The following CNTLN variants were observed in gnomAD, a reference collection of about 807,000 sequenced individuals.
CNTLN encodes the protein centlein, also known as centlein, centrosomal protein.
In CNTLN, 212 loss-of-function variants were observed where a neutral mutation model predicts 180.0. The observed-to-expected ratio is 1.18, with a 90% CI of 1.05 to 1.32. CNTLN has a LOEUF of 1.32. CNTLN is among the 40% of genes most tolerant of loss of function. CNTLN has a pLI of 0.00. For missense variants in CNTLN, 2,095 were observed against 1,610.9 expected, an observed-to-expected ratio of 1.30 and a Z score of -5.14; for synonymous variants, 722 against 563.1, an observed-to-expected ratio of 1.28 and a Z score of -3.99.
At chr9:17,257,478 T>G (rs1826595981) in intron 5 of CNTLN, among the ~76,000 whole-genome samples, 1 of 151,910 alleles carries the variant, frequency 6.6e-6, no homozygotes, top group South Asian at 2.1e-4. Flanking sequence ...TTATAGTCCT[T>G]TGGGTATATA....
intron 15 of CNTLN, among the ~76,000 whole-genome samples, chr9:17,405,527 T>C (rs1827313886): frequency 6.6e-6 from 1 of 151,682 alleles, no homozygotes; most frequent in African/African-American, 2.4e-5. Context: ...CCTGTTCTTA[T>C]AACAAACTCA....
At chr9:17,526,373 A>G in the CNTLN span, among the ~76,000 whole-genome samples, 2 of 152,220 alleles carry the variant, frequency 1.3e-5, no homozygotes, top group African/African-American at 4.8e-5. Flanking sequence ...ACTATAAGAG[A>G]CTTTGTCTAC....
At position 17,310,296 on chromosome 9, in the gene CNTLN, T is replaced by C. The variant is rs78808005; in HGVS notation, c.1341+1044T>C. Among the ~76,000 whole-genome samples, 9 of 152,248 alleles carry C rather than the reference T, an allele frequency of 5.9e-5. No individual in the cohort carries two copies. The East Asian group carries it at 1.2e-3, about 20-fold the overall frequency. ...CATATACAAATTTATGAGGAAACAG[T>C]TTATTGTTTAGTCATTCAAAAAAAT... On this transcript the variant is annotated intron_variant, in intron 8 of 25. Transcript: ENST00000380647.
At chr9:17,378,639 G>C (rs1824977449) in intron 13 of CNTLN, among the ~76,000 whole-genome samples, 1 of 151,952 alleles carries the variant, frequency 6.6e-6, no homozygotes, top group South Asian at 2.1e-4. Context: ...TCAGGTTTTT[G>C]GTAAGTTCTT....
intron 13 of CNTLN, among the ~76,000 whole-genome samples, chr9:17,383,356 CA>C (rs1055171924): frequency 5.3e-4 from 76 of 142,172 alleles, no homozygotes; most frequent in Middle Eastern, 3.5e-3. Context: ...CTGTCTCTAC[CA>C]AAAAAAAAAA....
At chr9:17,441,160 CA>C (rs2134043660) in intron 18 of CNTLN, among the ~76,000 whole-genome samples, 1 of 152,200 alleles carries the variant, frequency 6.6e-6, no homozygotes, top group African/African-American at 2.4e-5. Flanking sequence ...CCCAGACAAA[CA>C]AAAGTAGAGG....
At chr9:17,146,638 T>C (rs1045396026) in intron 2 of CNTLN, among the ~76,000 whole-genome samples, 6 of 152,168 alleles carry the variant, frequency 3.9e-5, no homozygotes, top group Non-Finnish European at 2.9e-5. Flanking sequence ...TGCCTTGATC[T>C]TGGACTTTTC....
intron 2 of CNTLN, among the ~76,000 whole-genome samples, chr9:17,222,607 TC>T (rs1214682592): frequency 6.6e-6 from 1 of 152,000 alleles, no homozygotes; most frequent in Non-Finnish European, 1.5e-5. Flanking sequence ...TTCTGAGGCC[TC>T]CCCAGCCATG....
intron 3 of CNTLN, among the ~76,000 whole-genome samples, chr9:17,227,293 G>T (rs540664213): frequency 6.6e-6 from 1 of 151,780 alleles, no homozygotes; most frequent in East Asian, 1.9e-4. Flanking sequence ...TGTATAATCA[G>T]TAAATTATAC....
intron 10 of CNTLN, among the ~76,000 whole-genome samples, chr9:17,335,316 A>C (rs1159151261): frequency 1.3e-5 from 2 of 152,128 alleles, no homozygotes; most frequent in Middle Eastern, 3.2e-3. Flanking sequence ...CAAGAGATCG[A>C]GACCATCATG....
intron 5 of CNTLN, among the ~76,000 whole-genome samples, chr9:17,267,612 T>C (rs1474587269): frequency 1.3e-5 from 2 of 152,068 alleles, no homozygotes; most frequent in African/African-American, 2.4e-5. Flanking sequence ...GAAGTTCTCC[T>C]GGATAATATC....
intron 8 of CNTLN, among the ~76,000 whole-genome samples, chr9:17,317,813 T>G (rs1374849187): frequency 1.3e-5 from 2 of 152,024 alleles, no homozygotes; most frequent in Non-Finnish European, 2.9e-5. Context: ...GTGGCTAGAT[T>G]GAGAGCTATG....
the CNTLN span, among the ~76,000 whole-genome samples, chr9:17,516,098 G>A: frequency 1.3e-5 from 2 of 152,148 alleles, no homozygotes; most frequent in Non-Finnish European, 2.9e-5. Context: ...CTCCCTGGCA[G>A]CCACATGATT....
intron 12 of CNTLN, among the ~76,000 whole-genome samples, chr9:17,346,432 A>T (rs1261724456): frequency 3.9e-5 from 6 of 152,200 alleles, no homozygotes; most frequent in Admixed American, 2.6e-4. Context: ...GGGAATTACA[A>T]TTCAAGATGA....
intron 7 of CNTLN, among the ~76,000 whole-genome samples, chr9:17,306,079 C>T (rs1162654992): frequency 6.6e-6 from 1 of 151,404 alleles, no homozygotes; most frequent in Non-Finnish European, 1.5e-5. Flanking sequence ...AATAGGAATG[C>T]AACTGCTTAA....
intron 25 of CNTLN, among the ~76,000 whole-genome samples, chr9:17,489,461 G>C (rs1299250749): frequency 2.6e-5 from 4 of 151,888 alleles, no homozygotes; most frequent in Admixed American, 6.6e-5. Flanking sequence ...TGTCCTCTCT[G>C]TGTGTTGGGT....
chr9:17,284,340 C>T (rs1828846655), intron 6 of CNTLN, among the ~76,000 whole-genome samples: 1 of 152,156 alleles, frequency 6.6e-6, no homozygotes, highest in African/African-American at 2.4e-5. Flanking sequence ...AGGAATGGTA[C>T]TAGCTCCTGT....
intron 15 of CNTLN, among the ~76,000 whole-genome samples, chr9:17,401,028 T>C (rs904239079): frequency 1.3e-5 from 2 of 152,234 alleles, no homozygotes; most frequent in Non-Finnish European, 2.9e-5. Context: ...TTGATCCTCA[T>C]TGAAGTCCTG....
rs140210839 is a variant in CNTLN, at chr9:17,192,269, C to T, written c.450-33934C>T. 0.013 allele frequency among the ~76,000 whole-genome samples: 1,754 copies of T among 131,422 alleles called. 69 individuals carry two copies. In the East Asian group the frequency reaches 0.14, roughly 11 times the overall value. 86.2% of individuals were successfully genotyped at this position (131,422 alleles called of 152,430 possible). On this transcript the variant is annotated intron_variant, in intron 2 of 25. Coordinates refer to ENST00000380647, the MANE Select transcript of CNTLN (RefSeq NM_017738.4). ...TTTTTTTTTTTTTGAGATGGAGTCT[C>T]GTTCTGTCACCCAGGCCAGAGTTCA...
Sources: allele counts gnomAD v4.1 joint callset (sites outside exome capture counted in the v4.1 genomes callset), GRCh38; gene constraint gnomAD v4.1.1; transcripts MANE v1.5; gene names NCBI Gene and HGNC (gene_info 2026-07-23, HGNC 2026-07-21).